TCF7L2: variants seen among roughly 807,000 people sequenced by gnomAD.
TCF7L2 encodes the protein transcription factor 7 like 2.
In TCF7L2, 23 loss-of-function variants were observed where a neutral mutation model predicts 77.9. The ratio of observed to expected loss-of-function variants is 0.30; its 90% CI spans 0.21 to 0.42. The LOEUF (loss-of-function observed/expected upper bound fraction) is 0.42, where lower values mean the gene tolerates loss of function less well. Among genes scored for constraint, TCF7L2 ranks in the 10% least tolerant of loss-of-function variants. The pLI is 1.00. For missense variants in TCF7L2, 654 were observed against 793.1 expected (o/e 0.82, Z 2.11); for synonymous variants, 413 against 340.2 (o/e 1.21, Z -2.36).
chr10:112,979,302 G>T (rs1368759994), intron 4 of TCF7L2, among the ~76,000 whole-genome samples: 1 of 152,184 alleles, frequency 6.6e-6, no homozygotes, highest in African/African-American at 2.4e-5. Context: ...TAAAGCCCTA[G>T]AATTTGTTTT....
chr10:113,079,370 G>A (rs2059080045), intron 5 of TCF7L2, among the ~76,000 whole-genome samples: 1 of 152,178 alleles, frequency 6.6e-6, no homozygotes, highest in African/African-American at 2.4e-5. Flanking sequence ...CTCTGCTCAG[G>A]AGATCCAGCC....
chr10:113,159,038 G>A (rs2072567127), intron 12 of TCF7L2, among the ~76,000 whole-genome samples: 1 of 151,702 alleles, frequency 6.6e-6, no homozygotes. Flanking sequence ...AAAAAAAATG[G>A]AAGGAATTCA....
At chr10:113,056,589 A>G (rs913320234) in intron 5 of TCF7L2, among the ~76,000 whole-genome samples, 11 of 152,158 alleles carry the variant, frequency 7.2e-5, no homozygotes, top group Admixed American at 3.3e-4. Context: ...AGGGGGCAAG[A>G]AGTCTGGGAA....
At chr10:113,050,086 A>T (rs1040222254) in intron 5 of TCF7L2, among the ~76,000 whole-genome samples, 4 of 152,148 alleles carry the variant, frequency 2.6e-5, no homozygotes. Flanking sequence ...GGATGGTGTG[A>T]AGCAATCTGT....
At chr10:113,081,535 T>C (rs2059315404) in intron 5 of TCF7L2, among the ~76,000 whole-genome samples, 1 of 152,234 alleles carries the variant, frequency 6.6e-6, no homozygotes, top group Non-Finnish European at 1.5e-5. Flanking sequence ...ACTCCTGTTC[T>C]CTCAAAGTCA....
chr10:113,070,639 C>T (rs1414744194), intron 5 of TCF7L2, among the ~76,000 whole-genome samples: 1 of 152,176 alleles, frequency 6.6e-6, no homozygotes, highest in African/African-American at 2.4e-5. Flanking sequence ...GTACTGAAGT[C>T]TCAAGCACAT....
chr10:112,963,631 A>G (rs962947308), intron 3 of TCF7L2, among the ~76,000 whole-genome samples: 4 of 152,358 alleles, frequency 2.6e-5, no homozygotes, highest in African/African-American at 4.8e-5. Context: ...TGTATTGTTT[A>G]TAAAGTAAAT....
At chr10:113,112,977 C>T (rs1274916448) in intron 5 of TCF7L2, among the ~76,000 whole-genome samples, 1 of 152,188 alleles carries the variant, frequency 6.6e-6, no homozygotes, top group African/African-American at 2.4e-5. Flanking sequence ...GGCTTCTTCT[C>T]CTCTGCTTCC....
chr10:113,067,416 G>A (rs974163724), intron 5 of TCF7L2, among the ~76,000 whole-genome samples: 6 of 152,224 alleles, frequency 3.9e-5, no homozygotes, highest in Non-Finnish European at 5.9e-5. Flanking sequence ...ACTTCTAAAT[G>A]TGGGTCAGTT....
intron 5 of TCF7L2, among the ~76,000 whole-genome samples, chr10:113,042,986 C>T (rs981313647): frequency 1.3e-5 from 2 of 152,206 alleles, no homozygotes; most frequent in African/African-American, 4.8e-5. Flanking sequence ...CTTTGCTTTT[C>T]ACTCTTTTAA....
chr10:113,006,963 G>A (rs538199691), intron 4 of TCF7L2, among the ~76,000 whole-genome samples: 7 of 152,130 alleles, frequency 4.6e-5, no homozygotes, highest in South Asian at 2.1e-4. Context: ...TTTTCCTTCC[G>A]TCCTTTATGT....
intron 7 of TCF7L2, among the ~76,000 whole-genome samples, chr10:113,145,491 C>T (rs910933984): frequency 6.6e-6 from 1 of 151,992 alleles, no homozygotes; most frequent in South Asian, 2.1e-4. Context: ...TGGGGACTCT[C>T]CCCCCGGTAA....
intron 4 of TCF7L2, among the ~76,000 whole-genome samples, chr10:113,037,737 A>G (rs977356184): frequency 6.6e-6 from 1 of 152,198 alleles, no homozygotes; most frequent in Non-Finnish European, 1.5e-5. Flanking sequence ...GATGTAATCA[A>G]ATCGGTTTTG....
At chr10:112,954,720 C>T (rs976979134) in intron 3 of TCF7L2, among the ~76,000 whole-genome samples, 7 of 152,284 alleles carry the variant, frequency 4.6e-5, no homozygotes, top group Non-Finnish European at 1.0e-4. Context: ...TTTTTCCCTC[C>T]TGGCAAAGTG....
At chr10:113,148,082 C>G (rs190468734) in intron 8 of TCF7L2, among the ~76,000 whole-genome samples, 2 of 152,276 alleles carry the variant, frequency 1.3e-5, no homozygotes, top group Non-Finnish European at 2.9e-5. Flanking sequence ...TTCCAGAACA[C>G]CCTTTGATAT....
At chr10:112,959,571 GTT>G (rs1564710696) in intron 3 of TCF7L2, among the ~76,000 whole-genome samples, 1 of 152,158 alleles carries the variant, frequency 6.6e-6, no homozygotes, top group African/African-American at 2.4e-5. Context: ...TTAAGTTATT[GTT>G]TAGGGATGGT....
Position 113,166,344 on chromosome 10 carries a change from C to T in TCF7L2, c.*372C>T, listed in dbSNP as rs921891048. 4.2e-6 allele frequency: 1 copy of T among 236,094 alleles called. No individual in the cohort carries two copies. Among genetic ancestry groups the T allele is most frequent in the East Asian group, 6.1e-5 (1 of 16,296 alleles). 14.6% of individuals were successfully genotyped at this position (236,094 alleles called of 1,614,324 possible). On this transcript the variant is annotated 3_prime_UTR_variant, in exon 14 of 14. Transcript: ENST00000627217. ...AAAAAAGCAATTTTGAAGCAGCCCT[C>T]CAGAAGGAGTTGGTTCTGTATTATT...
intron 5 of TCF7L2, among the ~76,000 whole-genome samples, chr10:113,042,568 G>A (rs1017328815): frequency 2.6e-5 from 4 of 152,182 alleles, no homozygotes; most frequent in African/African-American, 9.7e-5. Flanking sequence ...TCAGCCCTGT[G>A]ATGGGGTATT....
At chr10:113,020,101 G>C (rs963605535) in intron 4 of TCF7L2, among the ~76,000 whole-genome samples, 1 of 152,170 alleles carries the variant, frequency 6.6e-6, no homozygotes, top group African/African-American at 2.4e-5. Context: ...TTTTAGAAGT[G>C]AGTGTGTGTG....
Sources: gnomAD v4.1 joint callset for allele counts (sites outside exome capture counted in the v4.1 genomes callset) on GRCh38, gnomAD v4.1.1 for gene constraint, MANE v1.5 for transcripts, NCBI Gene and HGNC (gene_info 2026-07-23, HGNC 2026-07-21) for gene names.